NISCH: variants seen among roughly 807,000 people sequenced by gnomAD.
NISCH encodes nischarin.
NISCH carries 55 observed loss-of-function variants against 138.4 expected under a neutral mutation model. The ratio of observed to expected loss-of-function variants is 0.40; its 90% confidence interval spans 0.32 to 0.50. The LOEUF (loss-of-function observed/expected upper bound fraction) is 0.50. Among genes scored for constraint, NISCH ranks in the 20% least tolerant of loss-of-function variants. The pLI is 0.71. For missense variants in NISCH, 1,643 were observed against 2,005.5 expected (o/e 0.82, Z 3.45); for synonymous variants, 860 against 861.5 (o/e 1.00, Z 0.03).
intron 15 of NISCH, among the ~76,000 whole-genome samples, chr3:52,486,171 G>C (rs1004546449): frequency 6.7e-6 from 1 of 150,004 alleles, no homozygotes; most frequent in African/African-American, 2.5e-5. Flanking sequence ...GTGCAGTGGC[G>C]TGTTCTTGGC....
intron 6 of NISCH, 124 bp downstream of exon 6, chr3:52,472,522 G>A: frequency 6.0e-6 from 5 of 838,008 alleles, no homozygotes; most frequent in Non-Finnish European, 9.6e-6. Context: ...GTATGTGACA[G>A]GTTCTGCGTA....
At chr3:52,468,276 C>T (rs1277836144) in intron 3 of NISCH, among the ~76,000 whole-genome samples, 1 of 152,016 alleles carries the variant, frequency 6.6e-6, no homozygotes, top group African/African-American at 2.4e-5. Flanking sequence ...AGAAGTGTGC[C>T]GTTGAAAATG....
At position 52,490,136 on chromosome 3, in the gene NISCH, G is replaced by A. The variant is rs768457096; in HGVS notation, c.3518G>A (p.Gly1173Glu). 1.9e-6 allele frequency: 3 copies of A among 1,613,564 alleles called. No homozygotes were observed. The Admixed American group carries it at 5.0e-5, about 27-fold the overall frequency. The change falls in exon 18 of 21, where the codon GGG becomes GAG. Residue 1173 changes from glycine to glutamate, a missense_variant. Gly to Glu is a moderately conservative substitution (Grantham distance 98, BLOSUM62 -2). Coordinates refer to ENST00000345716, the MANE Select transcript of NISCH (RefSeq NM_007184.4). ...WSSVVFYQTP[G>E]LEVTACVLLS... is the part of the protein sequence containing the mutation. ...TCGGTGGTGTTCTACCAGACCCCAG[G>A]GCTGGAGGTGACTGCCTGCGTGCTG... is the stretch of plus-strand genomic sequence containing the variant.
intron 4 of NISCH, 52 bp from the exon 5 acceptor site, chr3:52,471,762 G>T: frequency 1.2e-6 from 2 of 1,604,576 alleles, no homozygotes; most frequent in Admixed American, 1.7e-5. Flanking sequence ...CTGGCTGCAC[G>T]AGGGCTGGGG....
rs376177004 is a variant in NISCH at position 52,490,204 on chromosome 3, C to T, written c.3586C>T (p.Arg1196Cys). 1.1e-5 allele frequency: 17 copies of T among 1,613,030 alleles called. No homozygotes were observed. Among genetic ancestry groups the T allele is most frequent in the Non-Finnish European group, 1.4e-5 (16 of 1,180,018 alleles). ...GTACTTTGTGCTCCACGACGGCCTC[C>T]GCCGCTACTTCTCAGAGCCACTGCA... ...AVYFVLHDGLRRYFSEPLQDF... is the reference protein window; with the variant it reads ...AVYFVLHDGLCRYFSEPLQDF... The change falls in exon 18 of 21, where the codon CGC (arginine) becomes TGC (cysteine). Residue 1196 changes from arginine (R) to cysteine (C), a missense_variant. Transcript: ENST00000345716.
chr3:52,464,517 C>CTTTTTTTTTT lies in NISCH; in HGVS notation c.360+5689_360+5698dup, dbSNP rs71084185. Among the ~76,000 whole-genome samples the CTTTTTTTTTT allele has an allele frequency of 1.2e-4, 9 of 75,808 alleles. 1 individual carries two copies. Among genetic ancestry groups the CTTTTTTTTTT allele is most frequent in the Admixed American group, 4.4e-4 (2 of 4,514 alleles). 49.7% of individuals were successfully genotyped at this position (75,808 alleles called of 152,430 possible). A position where few individuals can be genotyped will look rare whatever the true frequency, so the allele number is the denominator to read the frequency against. On this transcript the variant is annotated intron_variant, in intron 3 of 20. Coordinates refer to ENST00000345716, the MANE Select transcript of NISCH (RefSeq NM_007184.4). Reference sequence around the variant, plus strand: ...TACTTTTTCACATTCTGTGAGTTGTCTTTTTTTTTTTTTTTTTTTTTTTTT... The same window carrying CTTTTTTTTTT: ...TACTTTTTCACATTCTGTGAGTTGTCTTTTTTTTTTTTTTTTTTTTTTTTTTTTTTTTTTT...
At chr3:52,461,536 A>G (rs915007084) in intron 3 of NISCH, among the ~76,000 whole-genome samples, 7 of 152,332 alleles carry the variant, frequency 4.6e-5, no homozygotes, top group Admixed American at 2.6e-4. Context: ...CAAGTCTTTC[A>G]GATAAACTTT....
At position 52,487,268 on chromosome 3, in the gene NISCH, C is replaced by T. The variant is rs1370571605; in HGVS notation, c.1776C>T (p.Cys592=). The T allele has an allele frequency of 1.2e-6, 2 of 1,614,192 alleles. No individual in the cohort carries two copies. The highest frequency in any genetic ancestry group is 2.2e-5 in the East Asian group (1 of 44,882). Residue 592 remains cysteine (C), a synonymous_variant, in exon 16 of 21, where the codon TGC becomes TGT. Transcript: ENST00000345716. This position sits in a 1 kb window ranked among gnomAD's most constrained non-coding sequence, Gnocchi z 9.1. Reference sequence around the variant, plus strand: ...AGATCATCTTCCTGCCCTTCACCTGCATTGGCTACACGGCCACCAATCAGG... The same window carrying T: ...AGATCATCTTCCTGCCCTTCACCTGTATTGGCTACACGGCCACCAATCAGG... ...SGQIIFLPFT[C]IGYTATNQDF...
intron 12 of NISCH, 49 bp from the exon 13 acceptor site, chr3:52,480,135 C>A (rs756456660): frequency 6.2e-7 from 1 of 1,607,904 alleles, no homozygotes; most frequent in Non-Finnish European, 8.5e-7. Flanking sequence ...CCTTGGGGAG[C>A]TCTGTGCTTC....
chr3:52,465,481 C>T (rs936807641), intron 3 of NISCH, among the ~76,000 whole-genome samples: 3 of 152,148 alleles, frequency 2.0e-5, no homozygotes, highest in Admixed American at 6.6e-5. Flanking sequence ...GTTTACCAGC[C>T]CACTTTAGGT....
intron 11 of NISCH, among the ~76,000 whole-genome samples, chr3:52,479,175 C>A: frequency 6.6e-6 from 1 of 152,216 alleles, no homozygotes; most frequent in African/African-American, 2.4e-5. Flanking sequence ...TCCTGGGCTG[C>A]AGACTTTGGG....
At chr3:52,464,948 G>A (rs1055611760) in intron 3 of NISCH, among the ~76,000 whole-genome samples, 2 of 152,118 alleles carry the variant, frequency 1.3e-5, no homozygotes, top group African/African-American at 2.4e-5. Context: ...GATAACAGGC[G>A]TAAGCCACCA....
At chr3:52,471,275 T>TA (rs1431606351) in intron 4 of NISCH, 1 of 314,448 alleles carries the variant, frequency 3.2e-6, no homozygotes, top group Non-Finnish European at 5.9e-6. Context: ...GTTTGCATCT[T>TA]ACTGCCTTCC....
chr3:52,455,757 C>T (rs1220059332), intron 1 of NISCH, 23 bp downstream of exon 1: 1 of 1,333,310 alleles, frequency 7.5e-7, no homozygotes, highest in South Asian at 2.5e-5. Flanking sequence ...CGCGGGCACC[C>T]GAAGCGGGGG....
intron 1 of NISCH, 74 bp from the exon 2 acceptor site, chr3:52,457,769 C>A: frequency 1.9e-6 from 2 of 1,040,686 alleles, no homozygotes; most frequent in African/African-American, 1.6e-5. Context: ...ATAATTGCAG[C>A]TTTTGCTGCT....
intron 13 of NISCH, 35 bp from the exon 14 acceptor site, chr3:52,484,478 C>A: frequency 1.4e-6 from 2 of 1,421,346 alleles, no homozygotes; most frequent in South Asian, 1.4e-5. Flanking sequence ...CCCCACCCAC[C>A]CTGCCTGCCT....
Position 52,490,685 on chromosome 3 carries a change from T to C in NISCH, c.3614-20T>C, listed in dbSNP as rs1222378187. On this transcript the variant is annotated intron_variant, in intron 18 of 20. Coordinates refer to ENST00000345716, the MANE Select transcript of NISCH (RefSeq NM_007184.4). ...GCTTGCCTGCCACCGCCTCCCTCTGTCCCTTTCTCCATCACACAGATTTCT... is the reference window on the plus strand; with the variant it reads ...GCTTGCCTGCCACCGCCTCCCTCTGCCCCTTTCTCCATCACACAGATTTCT... 3 of 1,613,954 alleles carry C rather than the reference T, an allele frequency of 1.9e-6. No individual in the cohort carries two copies. In the African/African-American group the frequency reaches 4.0e-5, roughly 22 times the overall value.
At chr3:52,483,698 C>G (rs1697307092) in intron 13 of NISCH, among the ~76,000 whole-genome samples, 1 of 152,232 alleles carries the variant, frequency 6.6e-6, no homozygotes, top group Admixed American at 6.5e-5. Context: ...CCAAGGCCTG[C>G]AAGGGCTGGC....
chr3:52,472,453 T>A (rs150107623), intron 6 of NISCH, 55 bp downstream of exon 6: 497 of 1,447,240 alleles, frequency 3.4e-4, no homozygotes, highest in Middle Eastern at 1.1e-3. Flanking sequence ...GGCTAGAGAG[T>A]GTTTGTGATG....
Sources: gnomAD v4.1 joint callset for allele counts (sites outside exome capture counted in the v4.1 genomes callset) on GRCh38, gnomAD v4.1.1 for gene constraint, Gnocchi (gnomAD v3.1) non-coding constraint, MANE v1.5 for transcripts, NCBI Gene and HGNC (gene_info 2026-07-23, HGNC 2026-07-21) for gene names.